Variants in MTMR3 observed in about 807,000 individuals in gnomAD.
MTMR3 encodes myotubularin related protein 3.
A neutral mutation model predicts 132.4 loss-of-function variants in MTMR3; 32 were observed. That is an observed-to-expected ratio of 0.24 (90% CI 0.18 to 0.32). The LOEUF (loss-of-function observed/expected upper bound fraction) is 0.32, where lower values mean the gene tolerates loss of function less well. Among genes scored for constraint, MTMR3 ranks in the 10% least tolerant of loss-of-function variants. The pLI, the probability that MTMR3 is intolerant of heterozygous loss-of-function variation, is 1.00. For missense variants in MTMR3, 1,216 were observed against 1,489.6 expected, an observed-to-expected ratio of 0.82 and a Z score of 3.02; for synonymous variants, 556 against 550.3, an observed-to-expected ratio of 1.01 and a Z score of -0.14.
At chr22:29,908,757 G>A (rs2065149023) in intron 1 of MTMR3, among the ~76,000 whole-genome samples, 1 of 152,108 alleles carries the variant, frequency 6.6e-6, no homozygotes, top group South Asian at 2.1e-4. Flanking sequence ...TTTGATTATT[G>A]TAGAACTTTC....
chr22:29,896,869 T>TCACACACACA (rs61038012), intron 1 of MTMR3, among the ~76,000 whole-genome samples: 18,804 of 137,992 alleles, frequency 0.14, 1,544 homozygotes, highest in Middle Eastern at 0.28. Context: ...CAGGCTTGTC[T>TCACACACACA]CACACACACA....
intron 1 of MTMR3, among the ~76,000 whole-genome samples, chr22:29,884,143 G>A (rs930217538): frequency 2.6e-5 from 4 of 152,158 alleles, no homozygotes; most frequent in African/African-American, 9.7e-5. Context: ...TCACTTGTGA[G>A]TTTTGGACAT....
At chr22:29,916,249 C>G (rs1299238506) in intron 1 of MTMR3, among the ~76,000 whole-genome samples, 1 of 152,156 alleles carries the variant, frequency 6.6e-6, no homozygotes, top group Admixed American at 6.5e-5. Flanking sequence ...AAGGAGAATG[C>G]CTGTGTAAAC....
intron 1 of MTMR3, among the ~76,000 whole-genome samples, chr22:29,950,565 T>A (rs989213731): frequency 1.3e-5 from 2 of 152,054 alleles, no homozygotes; most frequent in Non-Finnish European, 2.9e-5. Flanking sequence ...GGTTTCACCA[T>A]GTTAGTCAGG....
chr22:29,967,226 TGTGTG>T (rs2066442228), intron 2 of MTMR3, among the ~76,000 whole-genome samples: 1 of 93,796 alleles, frequency 1.1e-5, no homozygotes, highest in Non-Finnish European at 2.2e-5. Context: ...TGTGTGTGTG[TGTGTG>T]TGCATGCGCG....
intron 1 of MTMR3, among the ~76,000 whole-genome samples, chr22:29,954,189 C>G (rs552764860): frequency 5.3e-5 from 8 of 151,414 alleles, no homozygotes; most frequent in Admixed American, 2.0e-4. Flanking sequence ...TCAAGCAACC[C>G]TCCTGCCTCA....
At chr22:29,928,355 A>G (rs560279341) in intron 1 of MTMR3, among the ~76,000 whole-genome samples, 3 of 151,760 alleles carry the variant, frequency 2.0e-5, no homozygotes, top group East Asian at 1.9e-4. Context: ...TATTTTTAGT[A>G]GAGACGGGGT....
rs377371967 is a variant in MTMR3 at position 30,029,176 on chromosome 22, CT to C, written c.*3376del. The stretch of plus-strand genomic sequence containing the variant: ...GTGGGCAAGGCCAGCTTGCTTCAGG[CT>C]GTAGAGGGAATTTGGTCTGAAGCAA... On this transcript the variant is annotated 3_prime_UTR_variant, in exon 20 of 20. Transcript: ENST00000401950. 140 of 152,396 alleles carry C rather than the reference CT, an allele frequency of 9.2e-4. No individual in the cohort carries two copies. The highest frequency in any genetic ancestry group is 3.3e-3 in the African/African-American group (139 of 41,542). The allele number at this position is 152,396 out of a possible 1,614,324, so 9.4% of individuals were successfully genotyped here. A position where few individuals can be genotyped will look rare whatever the true frequency, so the allele number is the denominator to read the frequency against.
In MTMR3 at chr22:29,931,797, T is replaced by TA. The variant is rs1453398058; in HGVS notation, c.-137-25236dup. 1.5e-4 allele frequency among the ~76,000 whole-genome samples: 23 copies of TA among 151,122 alleles called. No individual in the cohort carries two copies. The South Asian group carries it at 4.0e-3, about 26-fold the overall frequency. On this transcript the variant is annotated intron_variant, in intron 1 of 19. Transcript: ENST00000401950. ...AGAGAATCCTTTTTTTTTTTTTTTT[T>TA]AAAGCAGATTAAGACCATTGGAGGG...
intron 1 of MTMR3, among the ~76,000 whole-genome samples, chr22:29,921,735 A>G (rs2065417935): frequency 6.6e-6 from 1 of 151,954 alleles, no homozygotes; most frequent in South Asian, 2.1e-4. Context: ...TATCTTTGTG[A>G]ATTTAACTAC....
At chr22:29,927,685 G>A (rs2065544323) in intron 1 of MTMR3, among the ~76,000 whole-genome samples, 1 of 152,074 alleles carries the variant, frequency 6.6e-6, no homozygotes, top group South Asian at 2.1e-4. Context: ...GCAATAAGGT[G>A]CATGCATTGG....
At chr22:29,916,371 G>A (rs1176966886) in intron 1 of MTMR3, among the ~76,000 whole-genome samples, 1 of 152,220 alleles carries the variant, frequency 6.6e-6, no homozygotes, top group African/African-American at 2.4e-5. Flanking sequence ...TAGTAAAGAT[G>A]TAGTAGTGCC....
At chr22:29,928,160 AT>A (rs1204369353) in intron 1 of MTMR3, among the ~76,000 whole-genome samples, 1,681 of 114,800 alleles carry the variant, frequency 0.015, 31 homozygotes, top group African/African-American at 0.053. Flanking sequence ...TAATCACTAC[AT>A]TTTTTTTTTC....
chr22:29,913,483 A>G (rs1439131051), intron 1 of MTMR3, among the ~76,000 whole-genome samples: 1 of 152,124 alleles, frequency 6.6e-6, no homozygotes, highest in African/African-American at 2.4e-5. Flanking sequence ...TTGCTGCCAC[A>G]TGGTTAAAAA....
chr22:29,921,525 T>C (rs2065412917), intron 1 of MTMR3, among the ~76,000 whole-genome samples: 1 of 130,066 alleles, frequency 7.7e-6, no homozygotes, highest in Admixed American at 8.1e-5. Flanking sequence ...TGATTTATTT[T>C]CTGAAATTCC....
chr22:29,976,866 C>T (rs919988665), intron 3 of MTMR3, among the ~76,000 whole-genome samples: 1 of 152,090 alleles, frequency 6.6e-6, no homozygotes, highest in Non-Finnish European at 1.5e-5. Flanking sequence ...AGAAGAAAAA[C>T]TCTTTTTGGG....
intron 1 of MTMR3, among the ~76,000 whole-genome samples, chr22:29,911,323 T>G (rs2065207911): frequency 6.6e-6 from 1 of 152,036 alleles, no homozygotes; most frequent in Admixed American, 6.6e-5. Context: ...GCAAGACGAT[T>G]GCTTGAGCCC....
intron 7 of MTMR3, chr22:29,998,074 G>A (rs1185341983): frequency 6.6e-6 from 1 of 152,174 alleles, no homozygotes; most frequent in African/African-American, 2.4e-5. Flanking sequence ...TGTACTGTCA[G>A]TCTGAGTGTG....
intron 1 of MTMR3, among the ~76,000 whole-genome samples, chr22:29,901,160 T>C (rs1425406142): frequency 6.6e-6 from 1 of 152,044 alleles, no homozygotes; most frequent in Non-Finnish European, 1.5e-5. Flanking sequence ...ATGATGATTC[T>C]GGAAAAGATT....
Sources: gnomAD v4.1 joint callset for allele counts (sites outside exome capture counted in the v4.1 genomes callset) on GRCh38, gnomAD v4.1.1 for gene constraint, MANE v1.5 for transcripts, NCBI Gene and HGNC (gene_info 2026-07-23, HGNC 2026-07-21) for gene names.